Variants in PLOD2 observed in about 807,000 individuals in gnomAD.
PLOD2 encodes the protein lysine hydroxylase 2.
PLOD2 carries 65 observed loss-of-function variants against 101.0 expected under a neutral mutation model. The observed-to-expected ratio is 0.64, with a 90% confidence interval of 0.53 to 0.79. The LOEUF (loss-of-function observed/expected upper bound fraction) is 0.79. Among genes scored for constraint, PLOD2 ranks in the 30% least tolerant of loss-of-function variants. PLOD2 has a pLI of 0.00. For missense variants in PLOD2, 909 were observed against 914.6 expected (o/e 0.99, Z 0.08); for synonymous variants, 314 against 302.9 (o/e 1.04, Z -0.38).
Position 146,080,599 on chromosome 3 carries a change from A to AT in PLOD2, c.1358+1138dup, listed in dbSNP as rs1936503654. On this transcript the variant is annotated intron_variant, in intron 12 of 19. Coordinates refer to ENST00000282903, the MANE Select transcript of PLOD2 (RefSeq NM_182943.3). Reference sequence around the variant, plus strand: ...ATTCCAGATCAAAAGCTTCTGCCATATTTTTTTCCTTATACTTTAGACAAG... The same window carrying AT: ...ATTCCAGATCAAAAGCTTCTGCCATATTTTTTTTCCTTATACTTTAGACAAG... Among the ~76,000 whole-genome samples, 3 of 151,994 alleles carry AT rather than the reference A, an allele frequency of 2.0e-5. No individual in the cohort carries two copies. In the South Asian group the frequency reaches 6.2e-4, roughly 32 times the overall value.
At chr3:146,085,465 A>G in intron 10 of PLOD2, 192 bp from the exon 11 acceptor site, 1 of 567,476 alleles carries the variant, frequency 1.8e-6, no homozygotes, top group Non-Finnish European at 3.1e-6. Context: ...TAACACGGAT[A>G]TTCACAGGGA....
chr3:146,126,452 C>T (rs895928), intron 1 of PLOD2, among the ~76,000 whole-genome samples: 150,693 of 152,254 alleles, frequency 0.99, 74,575 homozygotes, highest in Non-Finnish European at 0.99. Context: ...TGTTAGAAAA[C>T]GTAACCTAAA....
At chr3:146,147,708 T>C (rs1396574485) in intron 1 of PLOD2, among the ~76,000 whole-genome samples, 2 of 152,192 alleles carry the variant, frequency 1.3e-5, no homozygotes, top group Non-Finnish European at 2.9e-5. Flanking sequence ...AGTCATAGCA[T>C]GCGAAGAGTC....
intron 1 of PLOD2, among the ~76,000 whole-genome samples, chr3:146,136,948 TA>T (rs776595111): frequency 3.9e-5 from 6 of 152,146 alleles, no homozygotes; most frequent in Non-Finnish European, 7.4e-5. Flanking sequence ...CCAAAATCTG[TA>T]AAAACTGGAA....
chr3:146,145,971 A>ATAT (rs1369000070), intron 1 of PLOD2, among the ~76,000 whole-genome samples: 1 of 152,164 alleles, frequency 6.6e-6, no homozygotes, highest in Admixed American at 6.6e-5. Flanking sequence ...CTCTTCCATA[A>ATAT]AAGTTACAAT....
In PLOD2 at chr3:146,070,075, A is replaced by G. The variant is rs1247010256; in HGVS notation, c.*642T>C. 6.6e-6 allele frequency: 1 copy of G among 151,894 alleles called. No homozygotes were observed. The highest frequency in any genetic ancestry group is 2.4e-5 in the African/African-American group (1 of 41,414). The allele number at this position is 151,894 out of a possible 1,614,324, so 9.4% of individuals were successfully genotyped here. A position where few individuals can be genotyped will look rare whatever the true frequency, so the allele number is the denominator to read the frequency against. On this transcript the variant is annotated 3_prime_UTR_variant, in exon 20 of 20. Transcript: ENST00000282903. ...AGAAACATAGGGTTTGATTTTTAAT[A>G]CTAATATAAAATAATCTGCCTTCCA...
At chr3:146,120,667 T>A (rs2030056752) in intron 3 of PLOD2, among the ~76,000 whole-genome samples, 1 of 152,174 alleles carries the variant, frequency 6.6e-6, no homozygotes. Context: ...GAAACTACCA[T>A]CAGAGCGAAC....
At chr3:146,131,421 G>A (rs1370548960) in intron 1 of PLOD2, among the ~76,000 whole-genome samples, 1 of 152,164 alleles carries the variant, frequency 6.6e-6, no homozygotes, top group Non-Finnish European at 1.5e-5. Context: ...ATCTGAAAGA[G>A]GTACTATGGG....
chr3:146,121,149 C>A lies in PLOD2; in HGVS notation c.301G>T (p.Ala101Ser). ...ATGACAACCAGATCATCTTGATCAG[C>A]ATAGTGTTCCATGACTTCTTTCATT... ...RLMKEVMEHY[A>S]DQDDLVVMFT... The change falls in exon 3 of 20, where the codon GCT (alanine) becomes TCT (serine). Residue 101 changes from alanine to serine, a missense_variant. By Grantham distance (99) the Ala-to-Ser change is moderately conservative. Transcript: ENST00000282903. 5 of 1,608,348 alleles carry A rather than the reference C, an allele frequency of 3.1e-6. No individual in the cohort carries two copies. The highest frequency in any genetic ancestry group is 4.3e-6 in the Non-Finnish European group (5 of 1,174,932).
At chr3:146,089,992 C>A (rs1023325245) in intron 8 of PLOD2, among the ~76,000 whole-genome samples, 1 of 151,402 alleles carries the variant, frequency 6.6e-6, no homozygotes, top group Non-Finnish European at 1.5e-5. Context: ...CACTACATCA[C>A]CATTATTAAC....
intron 1 of PLOD2, among the ~76,000 whole-genome samples, chr3:146,136,505 T>C (rs2031240050): frequency 6.6e-6 from 1 of 152,344 alleles, no homozygotes; most frequent in Admixed American, 6.5e-5. Flanking sequence ...GAATTTCATG[T>C]TGAGACTTGG....
In PLOD2 at chr3:146,086,812, G is replaced by T; in HGVS notation, c.1102C>A (p.Gln368Lys). Residue 368 changes from glutamine to lysine, a missense_variant, in exon 10 of 20, where the codon CAA becomes AAA. Transcript: ENST00000282903. ...ATTCCCATGTTTCTGGCTTCCGCTT[G>T]ACTTAGATTTTCTTCTGGTCCTACT... ...KIVGPEENLS[Q>K]AEARNMGMDF... 1 of 1,502,778 alleles carries T rather than the reference G, an allele frequency of 6.7e-7. No homozygotes were observed. The highest frequency in any genetic ancestry group is 1.3e-5 in the South Asian group (1 of 76,666). 93.1% of individuals were successfully genotyped at this position (1,502,778 alleles called of 1,614,324 possible).
At chr3:146,143,719 G>A (rs1212403721) in intron 1 of PLOD2, among the ~76,000 whole-genome samples, 2 of 151,962 alleles carry the variant, frequency 1.3e-5, no homozygotes, top group African/African-American at 4.8e-5. Context: ...GGGAAAATGG[G>A]GCTGAAATCA....
At chr3:146,148,338 G>GCACGCACACGCA (rs1553742438) in intron 1 of PLOD2, among the ~76,000 whole-genome samples, 47 of 146,546 alleles carry the variant, frequency 3.2e-4, no homozygotes, top group Admixed American at 1.2e-3. Context: ...AGGCAGGCAC[G>GCACGCACACGCA]CACACACACA....
intron 1 of PLOD2, among the ~76,000 whole-genome samples, chr3:146,145,975 T>C (rs1221405904): frequency 6.6e-6 from 1 of 152,172 alleles, no homozygotes; most frequent in African/African-American, 2.4e-5. Context: ...TCCATAAAAG[T>C]TACAATCCAC....
chr3:146,074,573 C>A (rs1027822517), intron 15 of PLOD2, among the ~76,000 whole-genome samples: 2 of 151,320 alleles, frequency 1.3e-5, no homozygotes, highest in Non-Finnish European at 3.0e-5. Flanking sequence ...TATATTATCT[C>A]ATTATTCCCT....
chr3:146,103,334 A>C (rs1173805345), intron 6 of PLOD2, among the ~76,000 whole-genome samples: 2 of 152,214 alleles, frequency 1.3e-5, no homozygotes, highest in Non-Finnish European at 2.9e-5. Context: ...TACCAATGAT[A>C]ATATTTCCAG....
At chr3:146,080,533 C>T (rs1576576453) in intron 12 of PLOD2, among the ~76,000 whole-genome samples, 1 of 152,048 alleles carries the variant, frequency 6.6e-6, no homozygotes, top group Non-Finnish European at 1.5e-5. Flanking sequence ...TACACACACA[C>T]ACACAGTTGC....
At chr3:146,157,901 G>A (rs1559877439) in intron 1 of PLOD2, among the ~76,000 whole-genome samples, 1 of 152,180 alleles carries the variant, frequency 6.6e-6, no homozygotes, top group Non-Finnish European at 1.5e-5. Flanking sequence ...TGCATCAGTA[G>A]ATAGGGACAA....
Sources: gnomAD v4.1 joint callset for allele counts (sites outside exome capture counted in the v4.1 genomes callset) on GRCh38, gnomAD v4.1.1 for gene constraint, MANE v1.5 for transcripts, NCBI Gene and HGNC (gene_info 2026-07-23, HGNC 2026-07-21) for gene names.